Variants in LNX1 observed in about 807,000 individuals in gnomAD.
LNX1 encodes the protein ligand of numb-protein X 1.
LNX1 carries 54 observed loss-of-function variants against 68.4 expected under a neutral mutation model. The observed-to-expected ratio is 0.79, with a 90% CI of 0.63 to 0.99. LNX1 has a LOEUF of 0.99. Ranked by LOEUF, LNX1 falls within the 50% of genes least tolerant of loss-of-function variation. The pLI is 0.00. For missense variants in LNX1, 906 were observed against 926.4 expected (o/e 0.98, Z 0.29); for synonymous variants, 336 against 350.0 (o/e 0.96, Z 0.45).
intron 1 of LNX1, among the ~76,000 whole-genome samples, chr4:53,589,935 T>G (rs1483284309): frequency 3.3e-5 from 5 of 152,216 alleles, no homozygotes; most frequent in Non-Finnish European, 5.9e-5. Flanking sequence ...TAATCATAAA[T>G]TAACTACTGT....
At chr4:53,508,397 T>C in intron 2 of LNX1, 170 bp from the exon 3 acceptor site, 5 of 780,154 alleles carry the variant, frequency 6.4e-6, no homozygotes, top group South Asian at 2.0e-5. Context: ...GTACTCAATA[T>C]ACATTTGCCA....
intron 9 of LNX1, among the ~76,000 whole-genome samples, chr4:53,468,526 C>T (rs1579354929): frequency 6.6e-6 from 1 of 152,206 alleles, no homozygotes; most frequent in African/African-American, 2.4e-5. Context: ...CTAAATGCTC[C>T]AATTAAAAGA....
At chr4:53,468,122 A>G (rs1427893931) in intron 9 of LNX1, among the ~76,000 whole-genome samples, 2 of 152,232 alleles carry the variant, frequency 1.3e-5, no homozygotes, top group African/African-American at 2.4e-5. Context: ...AGGGAAGCCC[A>G]TCAGACTAAC....
intron 2 of LNX1, among the ~76,000 whole-genome samples, chr4:53,543,951 G>GA (rs1329084370): frequency 1.3e-5 from 2 of 152,086 alleles, no homozygotes; most frequent in East Asian, 1.9e-4. Flanking sequence ...TAAACAAACA[G>GA]AAAAAACCAA....
chr4:53,637,854 G>C lies in LNX1; in HGVS notation c.-215+14314C>G, dbSNP rs553054747. The stretch of plus-strand genomic sequence containing the variant: ...AAGACTAGGCTGCTGACGGAGATTA[G>C]ACCACCACTCAAAGTCGCACCTTCT... On this transcript the variant is annotated intron_variant, in intron 1 of 2. Transcript: ENST00000507168. 2.0e-5 allele frequency among the ~76,000 whole-genome samples: 3 copies of C among 152,280 alleles called. No individual in the cohort carries two copies. In the South Asian group the frequency reaches 6.2e-4, roughly 32 times the overall value.
At chr4:53,519,865 A>G (rs563627640) in intron 2 of LNX1, among the ~76,000 whole-genome samples, 4 of 152,336 alleles carry the variant, frequency 2.6e-5, no homozygotes, top group Admixed American at 2.0e-4. Context: ...AGGGTGACCA[A>G]CCATCTCAGA....
intron 2 of LNX1, among the ~76,000 whole-genome samples, chr4:53,545,802 A>ATTT (rs71197029): frequency 3.6e-5 from 4 of 111,620 alleles, no homozygotes; most frequent in East Asian, 2.5e-4. Flanking sequence ...CAGAGGCCAC[A>ATTT]TTTTTTTTTT....
upstream of LNX1, among the ~76,000 whole-genome samples, chr4:53,594,595 A>G (rs1453017801): frequency 6.6e-6 from 1 of 152,092 alleles, no homozygotes; most frequent in East Asian, 1.9e-4. Flanking sequence ...GACACTTTTC[A>G]ACTCAGAAGG....
At chr4:53,644,587 A>C (rs1734813089) in intron 1 of LNX1, among the ~76,000 whole-genome samples, 1 of 152,218 alleles carries the variant, frequency 6.6e-6, no homozygotes, top group African/African-American at 2.4e-5. Context: ...CAGAAAACAC[A>C]CCACTAGCTG....
intron 1 of LNX1, among the ~76,000 whole-genome samples, chr4:53,586,927 T>C (rs1161470932): frequency 6.6e-6 from 1 of 152,216 alleles, no homozygotes; most frequent in Non-Finnish European, 1.5e-5. Flanking sequence ...TATGAGATCA[T>C]TAAGGTAATC....
In LNX1 at chr4:53,536,836, C is replaced by T. The variant is rs575777432; in HGVS notation, c.381-28609G>A. On this transcript the variant is annotated intron_variant, in intron 2 of 10. Transcript: ENST00000263925. ...ATCTTGTGTTGTTATTTAAATAACACAAAAGACATGGTAGATTGCATTTAT... is the reference window on the plus strand; with the variant it reads ...ATCTTGTGTTGTTATTTAAATAACATAAAAGACATGGTAGATTGCATTTAT... 2.6e-5 allele frequency among the ~76,000 whole-genome samples: 4 copies of T among 152,216 alleles called. No individual in the cohort carries two copies. The South Asian group carries it at 8.3e-4, about 32-fold the overall frequency.
intron 2 of LNX1, chr4:53,523,213 A>C (rs1323636387): frequency 1.3e-5 from 2 of 152,350 alleles, no homozygotes; most frequent in Admixed American, 1.3e-4. Flanking sequence ...GACAAAGAAT[A>C]AGGATTGTTA....
At chr4:53,552,321 C>A (rs1729569423) in intron 2 of LNX1, among the ~76,000 whole-genome samples, 2 of 152,258 alleles carry the variant, frequency 1.3e-5, no homozygotes, top group South Asian at 4.1e-4. Flanking sequence ...GTACCACAGG[C>A]AAGAGCAGGT....
intron 1 of LNX1, among the ~76,000 whole-genome samples, chr4:53,587,992 A>T (rs1732281126): frequency 6.6e-6 from 1 of 152,212 alleles, no homozygotes; most frequent in Non-Finnish European, 1.5e-5. Context: ...TTTGGCCCTC[A>T]ACGTACTACC....
At chr4:53,509,229 A>G (rs1292681765) in intron 2 of LNX1, among the ~76,000 whole-genome samples, 6 of 152,274 alleles carry the variant, frequency 3.9e-5, no homozygotes, top group Non-Finnish European at 5.9e-5. Flanking sequence ...GGCAGAAATC[A>G]TATCACGAGC....
intron 1 of LNX1, 32 bp from the exon 2 acceptor site, chr4:53,574,120 T>C: frequency 7.1e-7 from 1 of 1,407,442 alleles, no homozygotes; most frequent in South Asian, 1.5e-5. Context: ...CACCTTTGCT[T>C]CCCAGCACAT....
At chr4:53,527,051 T>TAAAAAAAAAAAAAAA in intron 2 of LNX1, among the ~76,000 whole-genome samples, 1 of 121,470 alleles carries the variant, frequency 8.2e-6, no homozygotes, top group Non-Finnish European at 1.6e-5. Flanking sequence ...TCCCTGCCCC[T>TAAAAAAAAAAAAAAA]AAAAAAAAAA....
rs1730046140 is a variant in LNX1 at position 53,558,076 on chromosome 4, CA to C, written c.380+15546del. On this transcript the variant is annotated intron_variant, in intron 2 of 10. Transcript: ENST00000263925. ...TGCCATGCCCCCACAATCAGTAGAT[CA>C]CAAAGAATTTGACTGAGAACCTTCA... The C allele has an allele frequency of 5.9e-6, 9 of 1,523,450 alleles. No individual in the cohort carries two copies. The South Asian group carries it at 8.7e-5, about 15-fold the overall frequency. The allele number at this position is 1,523,450 out of a possible 1,614,324, so 94.4% of individuals were successfully genotyped here.
At chr4:53,630,081 A>T (rs879909388) in intron 1 of LNX1, among the ~76,000 whole-genome samples, 2 of 152,078 alleles carry the variant, frequency 1.3e-5, no homozygotes, top group African/African-American at 2.4e-5. Flanking sequence ...TAGTTTCTTC[A>T]TTAAAAAAAG....
Sources: allele counts gnomAD v4.1 joint callset (sites outside exome capture counted in the v4.1 genomes callset), GRCh38; gene constraint gnomAD v4.1.1; transcripts MANE v1.5; gene names NCBI Gene and HGNC (gene_info 2026-07-23, HGNC 2026-07-21).